Variants in ZNF404 observed in about 807,000 individuals in gnomAD.
ZNF404 encodes the protein zinc finger protein 404.
A neutral mutation model predicts 7.3 loss-of-function variants in ZNF404; 7 were observed. The observed-to-expected ratio is 0.95, with a 90% CI of 0.54 to 1.79. ZNF404 has a LOEUF of 1.79. ZNF404 is among the 40% of genes most tolerant of loss of function. ZNF404 has a pLI of 0.00. For missense variants in ZNF404, 560 were observed against 661.5 expected (o/e 0.85, Z 1.68); for synonymous variants, 191 against 209.9 (o/e 0.91, Z 0.78).
Position 43,873,999 on chromosome 19 carries a change from G to A in ZNF404, c.215C>T (p.Thr72Ile). 6.2e-7 allele frequency: 1 copy of A among 1,609,512 alleles called. No individual in the cohort carries two copies. Residue 72 changes from threonine (T) to isoleucine (I), a missense_variant, in exon 3 of 3, where the codon ACA becomes ATA. Transcript: ENST00000587539. Reference sequence around the variant, plus strand: ...GTTGAAGGTTTTATTTCTTTTCCATGTCTCCTGATGGTACGCATTTACTTC... The same window carrying A: ...GTTGAAGGTTTTATTTCTTTTCCATATCTCCTGATGGTACGCATTTACTTC... Reference protein sequence around the residue: ...NYEVNAYHQETWKRNKTFNLM... With the variant: ...NYEVNAYHQEIWKRNKTFNLM...
At chr19:43,880,729 A>G (rs1303200100) in intron 1 of ZNF404, among the ~76,000 whole-genome samples, 3 of 152,246 alleles carry the variant, frequency 2.0e-5, no homozygotes, top group African/African-American at 7.2e-5. Flanking sequence ...GTTTACTGTA[A>G]GGAGACAATT....
At chr19:43,879,909 G>A in intron 2 of ZNF404, 101 bp downstream of exon 2, 3 of 1,458,140 alleles carry the variant, frequency 2.1e-6, no homozygotes, top group Non-Finnish European at 2.8e-6. Flanking sequence ...ATATGGAGCA[G>A]AAATGTAGCT....
chr19:43,883,946 A>G lies in ZNF404; in HGVS notation c.9+10T>C, dbSNP rs755471775. The stretch of plus-strand genomic sequence containing the variant: ...AATAAGTCAGAAAAGCAAAAGAGAC[A>G]TCAACTCACCCGGGCCATGGTTTCA... On this transcript the variant is annotated intron_variant, in intron 1 of 2. Transcript: ENST00000587539. 3.1e-6 allele frequency: 5 copies of G among 1,599,126 alleles called. No individual in the cohort carries two copies. The African/African-American group carries it at 6.7e-5, about 21-fold the overall frequency.
chr19:43,883,268 C>T (rs1303402486), intron 1 of ZNF404, among the ~76,000 whole-genome samples: 5 of 152,106 alleles, frequency 3.3e-5, no homozygotes, highest in Non-Finnish European at 5.9e-5. Context: ...TCAATATCAT[C>T]TACCACATAT....
At chr19:43,877,786 A>G (rs1055421550) in intron 2 of ZNF404, among the ~76,000 whole-genome samples, 1 of 137,994 alleles carries the variant, frequency 7.2e-6, no homozygotes. Flanking sequence ...TCCTGTGTCC[A>G]TGTGATCTCA....
Position 43,873,448 on chromosome 19 carries a change from G to T in ZNF404, c.766C>A (p.Arg256=). The T allele has an allele frequency of 6.2e-7, 1 of 1,613,414 alleles. No homozygotes were observed. Among genetic ancestry groups the T allele is most frequent in the Non-Finnish European group, 8.5e-7 (1 of 1,179,652 alleles). The change falls in exon 3 of 3, where the codon CGA becomes AGA. Residue 256 remains arginine (R), a synonymous_variant. Coordinates refer to ENST00000587539, the MANE Select transcript of ZNF404 (RefSeq NM_001033719.3). ...KECGETFRLY[R]HMCLHQKIHH... ...ATTTTCTGATGCAGACACATATGTC[G>T]ATATAATCTAAACGTTTCCCCACAT...
chr19:43,874,121 T>C, intron 2 of ZNF404, 44 bp from the exon 3 acceptor site: 1 of 1,303,262 alleles, frequency 7.7e-7, no homozygotes, highest in Non-Finnish European at 1.0e-6. Flanking sequence ...TTTCCAATAA[T>C]AGGGGTAGGG....
chr19:43,873,113 GC>G lies in ZNF404; in HGVS notation c.1100del (p.Gly367AlafsTer37). On this transcript the variant is annotated frameshift_variant, in exon 3 of 3. Transcript: ENST00000587539. LOFTEE classifies it low-confidence loss of function (END_TRUNC). ...CKDCGKAFCR[G>X]SQLTQHQRIH... ...TTCTCTGATGCTGTGTAAGTTGAGAGCCTCTACAAAAGGCCTTTCCACAATC... is the reference window on the plus strand; with the variant it reads ...TTCTCTGATGCTGTGTAAGTTGAGAGCTCTACAAAAGGCCTTTCCACAATC... The G allele has an allele frequency of 6.2e-7, 1 of 1,613,098 alleles. No individual in the cohort carries two copies.
rs1218376505 is a variant in ZNF404 at position 43,873,841 on chromosome 19, T to C, written c.373A>G (p.Asn125Asp). The stretch of plus-strand genomic sequence containing the variant: ...CACTCATATGATTTCTCTCTTGTGT[T>C]ATTTCTCTTATGTAGAGGAAGGGAT... ...HKSLPLHKRN[N>D]TREKSYECKE... The change falls in exon 3 of 3, where the codon AAC becomes GAC. Residue 125 changes from asparagine (N) to aspartate (D), a missense_variant. By Grantham distance (23) the Asn-to-Asp change is conservative (BLOSUM62 1). Transcript: ENST00000587539. 2 of 1,610,908 alleles carry C rather than the reference T, an allele frequency of 1.2e-6. No homozygotes were observed. Among genetic ancestry groups the C allele is most frequent in the South Asian group, 2.2e-5 (2 of 91,042 alleles).
chr19:43,879,970 A>G (rs909737707), intron 2 of ZNF404, 40 bp downstream of exon 2: 1 of 1,609,488 alleles, frequency 6.2e-7, no homozygotes, highest in Non-Finnish European at 8.5e-7. Flanking sequence ...CTGATATTCT[A>G]GAGAGCATAT....
At position 43,873,033 on chromosome 19, in the gene ZNF404, A is replaced by T. The variant is rs755102389; in HGVS notation, c.1181T>A (p.Leu394His). The T allele has an allele frequency of 1.2e-5, 20 of 1,607,080 alleles. No homozygotes were observed. The highest frequency in any genetic ancestry group is 1.7e-5 in the Non-Finnish European group (20 of 1,175,898). ...ECKECGKTFKLHSYLIQHQII... is the reference protein window; with the variant it reads ...ECKECGKTFKHHSYLIQHQII... Reference sequence around the variant, plus strand: ...CTGATGTTGAATAAGATATGAATGAAGCTTAAAAGTCTTCCCACATTCTTT... The same window carrying T: ...CTGATGTTGAATAAGATATGAATGATGCTTAAAAGTCTTCCCACATTCTTT... Residue 394 changes from leucine to histidine, a missense_variant, in exon 3 of 3, where the codon CTT (leucine) becomes CAT (histidine). Coordinates refer to ENST00000587539, the MANE Select transcript of ZNF404 (RefSeq NM_001033719.3).
chr19:43,882,876 A>T (rs1220477762), intron 1 of ZNF404, among the ~76,000 whole-genome samples: 1 of 151,970 alleles, frequency 6.6e-6, no homozygotes, highest in Admixed American at 6.6e-5. Flanking sequence ...TGAGGTGGGC[A>T]GATCACTTGA....
At chr19:43,883,843 G>C (rs1302947514) in intron 1 of ZNF404, 113 bp downstream of exon 1, 9 of 1,127,432 alleles carry the variant, frequency 8.0e-6, no homozygotes, top group Admixed American at 2.1e-5. Flanking sequence ...ATGTGAAATA[G>C]GTTCCAAGAG....
In ZNF404 at chr19:43,872,518, A is replaced by T. The variant is rs1167309037; in HGVS notation, c.*37T>A. The stretch of plus-strand genomic sequence containing the variant: ...ACTATAGCATCATAATAGTGACAAC[A>T]GTAAAAATGTGCCATGGCTAAAGGC... On this transcript the variant is annotated 3_prime_UTR_variant, in exon 3 of 3. Transcript: ENST00000587539. The surrounding 1 kb of genome is among the most constrained non-coding windows in gnomAD (Gnocchi z 4.4). The T allele has an allele frequency of 6.7e-7, 1 of 1,482,278 alleles. No individual in the cohort carries two copies. The allele number at this position is 1,482,278 out of a possible 1,614,324, so 91.8% of individuals were successfully genotyped here.
Position 43,873,036 on chromosome 19 carries a change from TTAAAAG to T in ZNF404, c.1172_1177del (p.Thr391_Phe392del). ...ATGTTGAATAAGATATGAATGAAGC[TTAAAAG>T]TCTTCCCACATTCTTTACATTCATG... On this transcript the variant is annotated inframe_deletion, in exon 3 of 3. Coordinates refer to ENST00000587539, the MANE Select transcript of ZNF404 (RefSeq NM_001033719.3). 1 of 1,607,692 alleles carries T rather than the reference TTAAAAG, an allele frequency of 6.2e-7. No homozygotes were observed. The highest frequency in any genetic ancestry group is 8.5e-7 in the Non-Finnish European group (1 of 1,176,274).
In ZNF404 at chr19:43,873,355, A is replaced by G; in HGVS notation, c.859T>C (p.Tyr287His). 1 of 1,613,126 alleles carries G rather than the reference A, an allele frequency of 6.2e-7. No individual in the cohort carries two copies. Among genetic ancestry groups the G allele is most frequent in the African/African-American group, 1.3e-5 (1 of 75,000 alleles). Residue 287 changes from tyrosine to histidine, a missense_variant, in exon 3 of 3, where the codon TAC (tyrosine) becomes CAC (histidine). By Grantham distance (83) the Tyr-to-His change is moderately conservative. Transcript: ENST00000587539. ...GKAFGHRSSL[Y>H]QHKKIHSGEK... ...CCAGAATGAATTTTCTTATGTTGGTAAAGACTTGAACGATGACCAAAAGCC... is the reference window on the plus strand; with the variant it reads ...CCAGAATGAATTTTCTTATGTTGGTGAAGACTTGAACGATGACCAAAAGCC...
chr19:43,873,980 G>T lies in ZNF404; in HGVS notation c.234C>A (p.Thr78=), dbSNP rs1355136164. Residue 78 remains threonine (T), a synonymous_variant, in exon 3 of 3, where the codon ACC becomes ACA. Coordinates refer to ENST00000587539, the MANE Select transcript of ZNF404 (RefSeq NM_001033719.3). ...YHQETWKRNK[T]FNLMRFIFRT... is the part of the protein sequence containing the mutation. ...TGAAAATAAACCTCATAAGGTTGAA[G>T]GTTTTATTTCTTTTCCATGTCTCCT... The T allele has an allele frequency of 3.1e-6, 5 of 1,612,368 alleles. No individual in the cohort carries two copies. The highest frequency in any genetic ancestry group is 4.2e-6 in the Non-Finnish European group (5 of 1,179,252).
At position 43,873,078 on chromosome 19, in the gene ZNF404, C is replaced by T. The variant is rs759242801; in HGVS notation, c.1136G>A (p.Gly379Asp). The T allele has an allele frequency of 1.2e-6, 2 of 1,612,776 alleles. No individual in the cohort carries two copies. The highest frequency in any genetic ancestry group is 1.1e-5 in the South Asian group (1 of 90,994). ...TTCTTTACATTCATGTGGCTTCTCA[C>T]CAGTATGAATTCTCTGATGCTGTGT... ...QLTQHQRIHT[G>D]EKPHECKECG... The change falls in exon 3 of 3, where the codon GGT becomes GAT. Residue 379 changes from glycine to aspartate, a missense_variant. Physicochemically the swap from Gly to Asp is moderately conservative, Grantham distance 94. Coordinates refer to ENST00000587539, the MANE Select transcript of ZNF404 (RefSeq NM_001033719.3).
At chr19:43,879,452 C>G (rs1328724939) in intron 2 of ZNF404, among the ~76,000 whole-genome samples, 1 of 152,142 alleles carries the variant, frequency 6.6e-6, no homozygotes, top group Non-Finnish European at 1.5e-5. Flanking sequence ...GAATGGTCAC[C>G]TATCTTCCAA....
Sources: allele counts gnomAD v4.1 joint callset (sites outside exome capture counted in the v4.1 genomes callset), GRCh38; gene constraint gnomAD v4.1.1; non-coding constraint Gnocchi (gnomAD v3.1); transcripts MANE v1.5; gene names NCBI Gene and HGNC (gene_info 2026-07-23, HGNC 2026-07-21).